AKAP7: variants seen among roughly 807,000 people sequenced by gnomAD.
AKAP7 encodes the protein A kinase (PRKA) anchor protein 7.
Under a neutral mutation model 39.5 loss-of-function variants are expected in AKAP7, and 39 were observed. The ratio of observed to expected loss-of-function variants is 0.99; its 90% CI spans 0.76 to 1.29. AKAP7 has a LOEUF of 1.29. AKAP7 is among the 50% of genes most tolerant of loss of function. The pLI, the probability that AKAP7 is intolerant of heterozygous loss-of-function variation, is 0.00. For synonymous variants in AKAP7, 140 were observed against 139.1 expected, an observed-to-expected ratio of 1.01 and a Z score of -0.05; for missense variants, 414 against 407.7, an observed-to-expected ratio of 1.02 and a Z score of -0.13.
intron 5 of AKAP7, among the ~76,000 whole-genome samples, chr6:131,175,739 T>C (rs1454182733): frequency 6.6e-6 from 1 of 152,182 alleles, no homozygotes; most frequent in Non-Finnish European, 1.5e-5. Context: ...ATTTGAGATA[T>C]GCGCTCTCTA....
intron 7 of AKAP7, chr6:131,250,136 TG>T: frequency 3.1e-6 from 3 of 980,258 alleles, no homozygotes; most frequent in Non-Finnish European, 3.6e-6. Context: ...ATGGTTTTTT[TG>T]GGGGTTTGAA....
chr6:131,219,640 G>T, intron 6 of AKAP7, 21 bp from the exon 7 acceptor site: 3 of 1,577,604 alleles, frequency 1.9e-6, no homozygotes, highest in South Asian at 1.2e-5. Context: ...TTGATTGATT[G>T]ATTTGTTTTT....
At chr6:131,267,837 G>A (rs1167136543) in intron 7 of AKAP7, among the ~76,000 whole-genome samples, 3 of 152,166 alleles carry the variant, frequency 2.0e-5, no homozygotes, top group Non-Finnish European at 4.4e-5. Flanking sequence ...ATCTTTCCTT[G>A]AGAGCGTTCA....
intron 4 of AKAP7, among the ~76,000 whole-genome samples, 182 bp from the exon 5 acceptor site, chr6:131,168,931 A>G (rs774546958): frequency 1.3e-5 from 2 of 152,150 alleles, no homozygotes; most frequent in Non-Finnish European, 2.9e-5. Context: ...CTTCTTCCAT[A>G]GTTTTTGTTT....
chr6:131,178,021 C>T (rs1262010514), intron 5 of AKAP7, among the ~76,000 whole-genome samples: 1 of 152,196 alleles, frequency 6.6e-6, no homozygotes. Flanking sequence ...ACGCAAAGGT[C>T]TTTCCTTATT....
chr6:131,233,089 T>C (rs1810761747), intron 7 of AKAP7, among the ~76,000 whole-genome samples: 1 of 151,920 alleles, frequency 6.6e-6, no homozygotes, highest in African/African-American at 2.4e-5. Flanking sequence ...CTTGGTTTAA[T>C]TTTTTTGACT....
rs577823955 is a variant in AKAP7, at chr6:131,229,927, C to CT, written c.850+10125dup. Among the ~76,000 whole-genome samples, 21 of 152,132 alleles carry CT rather than the reference C, an allele frequency of 1.4e-4. No individual in the cohort carries two copies. In the South Asian group the frequency reaches 2.9e-3, roughly 21 times the overall value. ...TTGCTGCAAAGGACATGGTTTTGTT[C>CT]TTTTTTATGTCTGTGTAGTATTCCA... On this transcript the variant is annotated intron_variant, in intron 7 of 7. Transcript: ENST00000431975.
chr6:131,276,884 C>T (rs538288987), intron 7 of AKAP7, among the ~76,000 whole-genome samples: 1 of 152,002 alleles, frequency 6.6e-6, no homozygotes, highest in African/African-American at 2.4e-5. Flanking sequence ...GTTTCTGGAG[C>T]CCTTCATGTG....
chr6:131,218,478 G>A lies in AKAP7; in HGVS notation c.703-1183G>A, dbSNP rs141837877. ...GAAAAACTAAACACATAAAATTATA[G>A]CAGTGGCAGTTTGTAGTGATTTAAT... is the stretch of plus-strand genomic sequence containing the variant. On this transcript the variant is annotated intron_variant, in intron 6 of 7. Coordinates refer to ENST00000431975, the MANE Select transcript of AKAP7 (RefSeq NM_016377.4). Among the ~76,000 whole-genome samples the A allele has an allele frequency of 7.4e-3, 1,120 of 152,240 alleles. 11 individuals carry two copies. The highest frequency in any genetic ancestry group is 0.026 in the African/African-American group (1,077 of 41,528).
chr6:131,225,603 A>G (rs1810095935), intron 7 of AKAP7, among the ~76,000 whole-genome samples: 1 of 152,184 alleles, frequency 6.6e-6, no homozygotes, highest in Non-Finnish European at 1.5e-5. Context: ...CATGACCATT[A>G]TGATTAGCAT....
chr6:131,148,373 C>T (rs1003279192), intron 2 of AKAP7, among the ~76,000 whole-genome samples: 1 of 152,072 alleles, frequency 6.6e-6, no homozygotes, highest in Non-Finnish European at 1.5e-5. Flanking sequence ...TATACATGGG[C>T]AGCGTGGTGC....
At chr6:131,190,119 T>A (rs1423583545) in intron 5 of AKAP7, among the ~76,000 whole-genome samples, 1 of 152,206 alleles carries the variant, frequency 6.6e-6, no homozygotes, top group East Asian at 1.9e-4. Context: ...CTGTTAGGAA[T>A]ATAAAATCAG....
intron 6 of AKAP7, among the ~76,000 whole-genome samples, chr6:131,216,883 T>G (rs1443146953): frequency 6.6e-6 from 1 of 152,180 alleles, no homozygotes; most frequent in Non-Finnish European, 1.5e-5. Flanking sequence ...TATTCAAAAC[T>G]CCAGGGTTGC....
chr6:131,227,493 C>T (rs1321058810), intron 7 of AKAP7, among the ~76,000 whole-genome samples: 2 of 152,256 alleles, frequency 1.3e-5, no homozygotes, highest in Admixed American at 6.5e-5. Flanking sequence ...CTTGCTTCAG[C>T]GGTACATACA....
Position 131,165,111 on chromosome 6 carries a change from G to A in AKAP7, c.322G>A (p.Ala108Thr). 1 of 1,610,876 alleles carries A rather than the reference G, an allele frequency of 6.2e-7. No homozygotes were observed. The highest frequency in any genetic ancestry group is 1.7e-5 in the Admixed American group (1 of 59,684). ...AAAAGGAATTAAGATCCTGCAGAATGCAATAATACAACAAGATGAGCGACT... is the reference window on the plus strand; with the variant it reads ...AAAAGGAATTAAGATCCTGCAGAATACAATAATACAACAAGATGAGCGACT... ...IIKGIKILQN[A>T]IIQQDERLAK... The change falls in exon 4 of 8, where the codon GCA becomes ACA. Residue 108 changes from alanine to threonine, a missense_variant. Ala to Thr is a moderately conservative substitution (Grantham distance 58). Transcript: ENST00000431975.
At chr6:131,168,420 GAGAA>G (rs1472578261) in intron 4 of AKAP7, among the ~76,000 whole-genome samples, 1 of 150,750 alleles carries the variant, frequency 6.6e-6, no homozygotes, top group African/African-American at 2.5e-5. Flanking sequence ...AAAAAGAAGA[GAGAA>G]AGAGACAGAA....
Position 131,281,495 on chromosome 6 carries a change from T to C in AKAP7, c.851-35T>C. ...ATGCCAAGTTTCTATGGCAATGTGA[T>C]CTCAGTGACCTCTCTTCTCTATTGT... On this transcript the variant is annotated intron_variant, in intron 7 of 7. Coordinates refer to ENST00000431975, the MANE Select transcript of AKAP7 (RefSeq NM_016377.4). The surrounding 1 kb of genome is among the most constrained non-coding windows in gnomAD (Gnocchi z 4.0). 1 of 1,510,724 alleles carries C rather than the reference T, an allele frequency of 6.6e-7. No individual in the cohort carries two copies. The highest frequency in any genetic ancestry group is 8.9e-7 in the Non-Finnish European group (1 of 1,123,274). 93.6% of individuals were successfully genotyped at this position (1,510,724 alleles called of 1,614,324 possible). A position where few individuals can be genotyped will look rare whatever the true frequency, so the allele number is the denominator to read the frequency against.
intron 7 of AKAP7, chr6:131,250,465 G>A: frequency 6.3e-7 from 1 of 1,584,412 alleles, no homozygotes; most frequent in Non-Finnish European, 8.6e-7. Context: ...GCTCCGTGGA[G>A]TGAAAAAGGC....
intron 6 of AKAP7, among the ~76,000 whole-genome samples, chr6:131,214,204 A>G (rs1402505608): frequency 6.6e-6 from 1 of 152,190 alleles, no homozygotes; most frequent in East Asian, 1.9e-4. Context: ...TAGGATAGGT[A>G]AAAGGAGGTG....
Sources: gnomAD v4.1 joint callset for allele counts (sites outside exome capture counted in the v4.1 genomes callset) on GRCh38, gnomAD v4.1.1 for gene constraint, Gnocchi (gnomAD v3.1) non-coding constraint, MANE v1.5 for transcripts, NCBI Gene and HGNC (gene_info 2026-07-23, HGNC 2026-07-21) for gene names.